The following MYH10 variants were observed in gnomAD, a reference collection of about 807,000 sequenced individuals.
The protein encoded by MYH10 is myosin heavy chain 10, also known as myosin-10.
MYH10 carries 55 observed loss-of-function variants against 257.8 expected under a neutral mutation model. The ratio of observed to expected loss-of-function variants is 0.21; its 90% CI spans 0.17 to 0.27. The LOEUF (loss-of-function observed/expected upper bound fraction) is 0.27. Among genes scored for constraint, MYH10 ranks in the 10% least tolerant of loss-of-function variants. MYH10 has a pLI of 1.00. For missense variants in MYH10, 1,631 were observed against 2,500.6 expected, an observed-to-expected ratio of 0.65 and a Z score of 7.42; for synonymous variants, 854 against 921.7, an observed-to-expected ratio of 0.93 and a Z score of 1.33.
At chr17:8,482,729 T>C (rs966406262) in intron 37 of MYH10, among the ~76,000 whole-genome samples, 1 of 152,194 alleles carries the variant, frequency 6.6e-6, no homozygotes, top group Non-Finnish European at 1.5e-5. Context: ...TAATGCAGTG[T>C]GAGTCAGGCC....
At chr17:8,592,968 T>TATATATATATATAC in intron 3 of MYH10, among the ~76,000 whole-genome samples, 2 of 123,848 alleles carry the variant, frequency 1.6e-5, no homozygotes, top group South Asian at 2.5e-4. Flanking sequence ...TATATATATA[T>TATATATATATATAC]ATAAAAGATG....
intron 2 of MYH10, among the ~76,000 whole-genome samples, chr17:8,613,656 A>G (rs1053448668): frequency 2.0e-5 from 3 of 152,238 alleles, no homozygotes; most frequent in African/African-American, 4.8e-5. Flanking sequence ...AGATTAAAAA[A>G]TAAACATAGA....
chr17:8,559,321 A>G (rs184654644), intron 7 of MYH10, among the ~76,000 whole-genome samples: 11 of 152,314 alleles, frequency 7.2e-5, no homozygotes, highest in African/African-American at 2.6e-4. Context: ...TTTTTCAACT[A>G]TGTTCACTAA....
At chr17:8,494,636 C>G (rs1209516522) in intron 31 of MYH10, among the ~76,000 whole-genome samples, 1 of 152,098 alleles carries the variant, frequency 6.6e-6, no homozygotes. Flanking sequence ...CTGTAAAACT[C>G]CAAGAATAAA....
rs781357284 is a variant in MYH10 at position 8,480,419 on chromosome 17, G to A, written c.5371C>T (p.Arg1791Cys). 15 of 1,613,292 alleles carry A rather than the reference G, an allele frequency of 9.3e-6. No individual in the cohort carries two copies. Among genetic ancestry groups the A allele is most frequent in the Non-Finnish European group, 1.3e-5 (15 of 1,179,992 alleles). The change falls in exon 39 of 43, where the codon CGC (arginine) becomes TGC (cysteine). Residue 1791 changes from arginine to cysteine, a missense_variant. By Grantham distance (180) the Arg-to-Cys change is radical. Transcript: ENST00000360416. ...TGGGCCACCTGTAGAGTGGTCTTGC[G>A]GAAGCGGTCGTTGAGCAGCTCCATG... ...SNMELLNDRF[R>C]KTTLQVDTLN... is the part of the protein sequence containing the mutation.
chr17:8,601,158 G>T (rs777475393), intron 3 of MYH10, among the ~76,000 whole-genome samples: 1 of 152,176 alleles, frequency 6.6e-6, no homozygotes, highest in African/African-American at 2.4e-5. Context: ...AGGTCAACCG[G>T]GGTTGGTAGC....
intron 3 of MYH10, among the ~76,000 whole-genome samples, chr17:8,591,253 A>G (rs1263050789): frequency 6.6e-6 from 1 of 152,132 alleles, no homozygotes; most frequent in Non-Finnish European, 1.5e-5. Flanking sequence ...ATTGCTTGAG[A>G]TCCGAGACTG....
intron 3 of MYH10, among the ~76,000 whole-genome samples, chr17:8,596,270 A>G (rs1214291223): frequency 6.6e-6 from 1 of 151,134 alleles, no homozygotes; most frequent in Non-Finnish European, 1.5e-5. Flanking sequence ...CTCGTGCCTC[A>G]GCCTCCTGAG....
chr17:8,488,248 A>C (rs1467222168), intron 35 of MYH10, among the ~76,000 whole-genome samples: 1 of 152,072 alleles, frequency 6.6e-6, no homozygotes, highest in Middle Eastern at 3.2e-3. Context: ...CCTAGTGTGC[A>C]GTGGGGATAG....
chr17:8,587,920 C>T (rs2083969576), intron 4 of MYH10, among the ~76,000 whole-genome samples: 3 of 152,098 alleles, frequency 2.0e-5, no homozygotes, highest in African/African-American at 7.2e-5. Flanking sequence ...TACCTCTTCG[C>T]TATCCCCAGT....
intron 31 of MYH10, among the ~76,000 whole-genome samples, chr17:8,494,532 G>T (rs989457990): frequency 6.6e-6 from 1 of 151,898 alleles, no homozygotes; most frequent in Non-Finnish European, 1.5e-5. Flanking sequence ...TCCACTTTTG[G>T]CCTGTCTGAG....
intron 8 of MYH10, among the ~76,000 whole-genome samples, chr17:8,553,552 T>G (rs1158736287): frequency 1.3e-5 from 2 of 152,218 alleles, no homozygotes; most frequent in South Asian, 4.1e-4. Context: ...CCAGCTTTAT[T>G]CTACTTAACA....
Position 8,569,945 on chromosome 17 carries a change from C to A in MYH10, c.664-133G>T. Reference sequence around the variant, plus strand: ...TCAGTTCTTTCATTCTGTCTGCCATCCAGCAACTTTTGTTGGCTTCTTAAT... The same window carrying A: ...TCAGTTCTTTCATTCTGTCTGCCATACAGCAACTTTTGTTGGCTTCTTAAT... On this transcript the variant is annotated intron_variant, in intron 6 of 42. Transcript: ENST00000360416. The surrounding 1 kb of genome is among the most constrained non-coding windows in gnomAD (Gnocchi z 4.1). 1 of 629,254 alleles carries A rather than the reference C, an allele frequency of 1.6e-6. No homozygotes were observed. Among genetic ancestry groups the A allele is most frequent in the South Asian group, 2.8e-5 (1 of 36,130 alleles). The allele number at this position is 629,254 out of a possible 1,614,324, so 39.0% of individuals were successfully genotyped here.
At chr17:8,566,855 A>G (rs931253385) in intron 7 of MYH10, among the ~76,000 whole-genome samples, 8 of 152,246 alleles carry the variant, frequency 5.3e-5, no homozygotes, top group Non-Finnish European at 8.8e-5. Context: ...ACTTCGTAAC[A>G]GAACCACTAC....
chr17:8,501,300 C>CA (rs1356081871), intron 28 of MYH10, among the ~76,000 whole-genome samples: 4 of 151,858 alleles, frequency 2.6e-5, no homozygotes, highest in South Asian at 4.2e-4. Context: ...AAAAAAAAAC[C>CA]AAAAAAACAA....
At chr17:8,585,262 G>GTA (rs1199416528) in intron 4 of MYH10, among the ~76,000 whole-genome samples, 1 of 124,056 alleles carries the variant, frequency 8.1e-6, no homozygotes, top group Non-Finnish European at 1.7e-5. Flanking sequence ...CTATATATGT[G>GTA]TATATATATG....
rs571845631 is a variant in MYH10 at position 8,474,510 on chromosome 17, G to A, written c.*1294C>T. 6.6e-6 allele frequency: 1 copy of A among 152,654 alleles called. No individual in the cohort carries two copies. The highest frequency in any genetic ancestry group is 1.9e-4 in the East Asian group (1 of 5,186). The allele number at this position is 152,654 out of a possible 1,614,324, so 9.5% of individuals were successfully genotyped here. ...TTTGTGTTTTCAAGCACATTGCAGA[G>A]GATCAAGGATTTAGAATTAACACTG... On this transcript the variant is annotated 3_prime_UTR_variant, in exon 43 of 43. Coordinates refer to ENST00000360416, the MANE Select transcript of MYH10 (RefSeq NM_001256012.3).
At chr17:8,557,628 C>T (rs1238558321) in intron 7 of MYH10, among the ~76,000 whole-genome samples, 1 of 152,168 alleles carries the variant, frequency 6.6e-6, no homozygotes, top group African/African-American at 2.4e-5. Context: ...GAGGTGCATT[C>T]CATGAAGGGC....
chr17:8,592,974 A>T (rs1355467834), intron 3 of MYH10, among the ~76,000 whole-genome samples: 2 of 31,140 alleles, frequency 6.4e-5, no homozygotes, highest in Non-Finnish European at 1.8e-4. Flanking sequence ...TATATATAAA[A>T]GATGATGCAC....
Sources: gnomAD v4.1 joint callset for allele counts (sites outside exome capture counted in the v4.1 genomes callset) on GRCh38, gnomAD v4.1.1 for gene constraint, Gnocchi (gnomAD v3.1) non-coding constraint, MANE v1.5 for transcripts, NCBI Gene and HGNC (gene_info 2026-07-23, HGNC 2026-07-21) for gene names.